RPTOR: variants seen among roughly 807,000 people sequenced by gnomAD.
RPTOR encodes regulatory associated protein of MTOR complex 1, also known as regulatory-associated protein of mTOR.
Under a neutral mutation model 169.9 loss-of-function variants are expected in RPTOR, and 21 were observed. The observed-to-expected ratio is 0.12, with a 90% CI of 0.09 to 0.18. The LOEUF (loss-of-function observed/expected upper bound fraction) is 0.18. RPTOR is among the 10% of genes least tolerant of loss of function. The pLI, the probability that RPTOR is intolerant of heterozygous loss-of-function variation, is 1.00. For synonymous variants in RPTOR, 732 were observed against 753.2 expected, an observed-to-expected ratio of 0.97 and a Z score of 0.46; for missense variants, 1,133 against 1,855.9, an observed-to-expected ratio of 0.61 and a Z score of 7.16.
intron 3 of RPTOR, among the ~76,000 whole-genome samples, chr17:80,705,012 C>T (rs1447679292): frequency 2.0e-5 from 3 of 152,252 alleles, no homozygotes; most frequent in Non-Finnish European, 4.4e-5. Flanking sequence ...CCAGTGATGC[C>T]CACCTATGGG....
At chr17:80,652,064 GGAGGCT>G (rs1002744202) in intron 3 of RPTOR, among the ~76,000 whole-genome samples, 154 of 151,574 alleles carry the variant, frequency 1.0e-3, no homozygotes, top group Non-Finnish European at 1.6e-3. Flanking sequence ...CAGCTATTCC[GGAGGCT>G]GAGGTAAGAG....
rs1047906203 is a variant in RPTOR, at chr17:80,844,330, C to T, written c.1213-2143C>T. 6.6e-6 allele frequency among the ~76,000 whole-genome samples: 1 copy of T among 152,122 alleles called. No individual in the cohort carries two copies. Among genetic ancestry groups the T allele is most frequent in the African/African-American group, 2.4e-5 (1 of 41,406 alleles). ...TGAATAGTCAGGAATTTTTCTCTTT[C>T]TGCATGGAGTAGTGACTCCAGCAGT... On this transcript the variant is annotated intron_variant, in intron 10 of 33. Transcript: ENST00000306801. The surrounding 1 kb of genome is among the most constrained non-coding windows in gnomAD (Gnocchi z 4.7).
At chr17:80,732,466 C>T (rs2066400991) in intron 5 of RPTOR, among the ~76,000 whole-genome samples, 1 of 152,040 alleles carries the variant, frequency 6.6e-6, no homozygotes, top group Admixed American at 6.6e-5. Flanking sequence ...CTGTTCATTT[C>T]ATCAAGTGTA....
intron 1 of RPTOR, among the ~76,000 whole-genome samples, chr17:80,615,954 A>G (rs757529103): frequency 6.6e-6 from 1 of 152,010 alleles, no homozygotes; most frequent in Non-Finnish European, 1.5e-5. Context: ...GCTTCATGAG[A>G]TGCGTTGGCC....
At chr17:80,631,006 C>T (rs2065437762) in intron 2 of RPTOR, among the ~76,000 whole-genome samples, 1 of 152,160 alleles carries the variant, frequency 6.6e-6, no homozygotes, top group South Asian at 2.1e-4. Flanking sequence ...CACCTGTCCC[C>T]CAGTGATGGC....
chr17:80,779,059 C>T (rs779261910), intron 6 of RPTOR, among the ~76,000 whole-genome samples: 12 of 152,168 alleles, frequency 7.9e-5, no homozygotes, highest in Non-Finnish European at 1.6e-4. Flanking sequence ...CTGGAGAAGC[C>T]GTGCTGTTAA....
At chr17:80,838,254 G>A (rs944844019) in intron 10 of RPTOR, among the ~76,000 whole-genome samples, 3 of 152,176 alleles carry the variant, frequency 2.0e-5, no homozygotes, top group African/African-American at 7.2e-5. Context: ...TTTTCTTAAT[G>A]CGGACTCACT....
At position 80,926,729 on chromosome 17, in the gene RPTOR, C is replaced by T. The variant is rs557686019; in HGVS notation, c.2919+1249C>T. Among the ~76,000 whole-genome samples the T allele has an allele frequency of 1.1e-4, 17 of 152,316 alleles. No homozygotes were observed. In the East Asian group the frequency reaches 2.3e-3, roughly 21 times the overall value. On this transcript the variant is annotated intron_variant, in intron 24 of 33. Coordinates refer to ENST00000306801, the MANE Select transcript of RPTOR (RefSeq NM_020761.3). ...GCCAGATTTACAGAACAATCACAGC[C>T]GTGCTTCTCATACAGACACAGATGT...
chr17:80,619,915 C>G (rs2065342358), intron 1 of RPTOR, among the ~76,000 whole-genome samples: 1 of 152,204 alleles, frequency 6.6e-6, no homozygotes, highest in African/African-American at 2.4e-5. Flanking sequence ...TGACGGCCCC[C>G]AGCCTCTCCC....
intron 2 of RPTOR, among the ~76,000 whole-genome samples, chr17:80,627,407 T>C (rs1316736840): frequency 6.6e-6 from 1 of 152,268 alleles, no homozygotes; most frequent in African/African-American, 2.4e-5. Context: ...ATGTAACAAA[T>C]GCCATAATCA....
intron 1 of RPTOR, among the ~76,000 whole-genome samples, chr17:80,575,513 T>C (rs1417255417): frequency 6.6e-6 from 1 of 152,204 alleles, no homozygotes; most frequent in Non-Finnish European, 1.5e-5. Context: ...ACCGTTGCCA[T>C]GTGCGAATGG....
In RPTOR at chr17:80,758,257, G is replaced by A. The variant is rs776578160; in HGVS notation, c.830+4072G>A. ...CACCAAGGGCTGTTGTGTTCCCAGAGGACAGAGAACCATGGCTAAGGGCCA... is the reference window on the plus strand; with the variant it reads ...CACCAAGGGCTGTTGTGTTCCCAGAAGACAGAGAACCATGGCTAAGGGCCA... On this transcript the variant is annotated intron_variant, in intron 6 of 33. Coordinates refer to ENST00000306801, the MANE Select transcript of RPTOR (RefSeq NM_020761.3). Among the ~76,000 whole-genome samples the A allele has an allele frequency of 9.8e-4, 150 of 152,334 alleles. 1 individual carries two copies. The highest frequency in any genetic ancestry group is 3.4e-3 in the Middle Eastern group (1 of 294).
Position 80,826,617 on chromosome 17 carries a change from G to A in RPTOR, c.1136+3394G>A, listed in dbSNP as rs1457450605. On this transcript the variant is annotated intron_variant, in intron 9 of 33. Transcript: ENST00000306801. ...GGCTGGGGCAGGGAAGCACCGCCCT[G>A]GCCTCCTCCTGGTCCCTGGCACCCT... Among the ~76,000 whole-genome samples the A allele has an allele frequency of 2.0e-5, 3 of 152,266 alleles. No homozygotes were observed. In the East Asian group the frequency reaches 5.8e-4, roughly 29 times the overall value.
At chr17:80,940,449 AC>A (rs1567999472) in intron 24 of RPTOR, 46 bp from the exon 25 acceptor site, 1 of 1,538,930 alleles carries the variant, frequency 6.5e-7, no homozygotes, top group South Asian at 1.2e-5. Flanking sequence ...CCAAGAGACA[AC>A]CCTGTTTCAT....
intron 2 of RPTOR, among the ~76,000 whole-genome samples, chr17:80,630,974 C>T (rs553812231): frequency 1.3e-5 from 2 of 152,202 alleles, no homozygotes; most frequent in African/African-American, 2.4e-5. Flanking sequence ...GGGCCTTGGG[C>T]GTAGTGCGGT....
chr17:80,840,577 G>GCC (rs2067623431), intron 10 of RPTOR, among the ~76,000 whole-genome samples: 1 of 117,642 alleles, frequency 8.5e-6, no homozygotes, highest in Non-Finnish European at 1.7e-5. Context: ...CACACCGCAC[G>GCC]GCAGCTCACA....
intron 3 of RPTOR, among the ~76,000 whole-genome samples, chr17:80,648,253 T>C: frequency 6.6e-6 from 1 of 152,130 alleles, no homozygotes; most frequent in Non-Finnish European, 1.5e-5. Flanking sequence ...AGGAGGGGGT[T>C]TGGGGAGCAA....
chr17:80,771,606 T>C (rs988429532), intron 6 of RPTOR, among the ~76,000 whole-genome samples: 21 of 151,920 alleles, frequency 1.4e-4, no homozygotes, highest in African/African-American at 4.4e-4. Context: ...CCTGGTTGTT[T>C]GTGTTTCTTG....
At chr17:80,898,849 G>T (rs547977297) in intron 20 of RPTOR, among the ~76,000 whole-genome samples, 109 of 151,994 alleles carry the variant, frequency 7.2e-4, no homozygotes, top group African/African-American at 2.6e-3. Context: ...GGTTCCTGGG[G>T]ATGGCGGTCC....
Sources: gnomAD v4.1 joint callset for allele counts (sites outside exome capture counted in the v4.1 genomes callset) on GRCh38, gnomAD v4.1.1 for gene constraint, Gnocchi (gnomAD v3.1) non-coding constraint, MANE v1.5 for transcripts, NCBI Gene and HGNC (gene_info 2026-07-23, HGNC 2026-07-21) for gene names.